JPH1: variants seen among roughly 807,000 people sequenced by gnomAD.
JPH1 encodes the protein junctophilin-1.
A neutral mutation model predicts 53.6 loss-of-function variants in JPH1; 12 were observed. That is an observed-to-expected ratio of 0.22 (90% CI 0.14 to 0.36). JPH1 has a LOEUF of 0.36. Among genes scored for constraint, JPH1 ranks in the 10% least tolerant of loss-of-function variants. The pLI is 1.00. For missense variants in JPH1, 808 were observed against 905.5 expected (o/e 0.89, Z 1.38); for synonymous variants, 375 against 363.8 (o/e 1.03, Z -0.35).
chr8:74,287,543 G>T (rs1387112413), intron 2 of JPH1, among the ~76,000 whole-genome samples: 1 of 151,970 alleles, frequency 6.6e-6, no homozygotes, highest in Non-Finnish European at 1.5e-5. Flanking sequence ...AAAAATCATG[G>T]GCTACTAAAT....
chr8:74,297,921 A>G (rs1005138188), intron 2 of JPH1, among the ~76,000 whole-genome samples: 1 of 152,196 alleles, frequency 6.6e-6, no homozygotes, highest in African/African-American at 2.4e-5. Flanking sequence ...TACATTTATA[A>G]CAACAATTGA....
intron 2 of JPH1, among the ~76,000 whole-genome samples, chr8:74,287,834 T>C (rs1408671135): frequency 6.6e-6 from 1 of 151,484 alleles, no homozygotes; most frequent in Non-Finnish European, 1.5e-5. Flanking sequence ...ACAAAATAAC[T>C]TTTTTTTTGG....
chr8:74,318,709 T>G (rs1420785219), intron 1 of JPH1, among the ~76,000 whole-genome samples: 1 of 152,136 alleles, frequency 6.6e-6, no homozygotes, highest in Non-Finnish European at 1.5e-5. Flanking sequence ...TGATACAGGG[T>G]GTACAGGGAT....
intron 2 of JPH1, among the ~76,000 whole-genome samples, chr8:74,282,010 G>A (rs1369608554): frequency 6.6e-6 from 1 of 152,214 alleles, no homozygotes; most frequent in Non-Finnish European, 1.5e-5. Context: ...ATGTTCCATA[G>A]TTCCCTGTGT....
chr8:74,304,487 G>C (rs553897994), intron 2 of JPH1, among the ~76,000 whole-genome samples: 1 of 152,306 alleles, frequency 6.6e-6, no homozygotes, highest in East Asian at 1.9e-4. Context: ...ATCATCTGAG[G>C]CTCTTCCATT....
intron 2 of JPH1, among the ~76,000 whole-genome samples, chr8:74,264,158 T>C (rs1215118059): frequency 6.6e-6 from 1 of 152,232 alleles, no homozygotes; most frequent in Non-Finnish European, 1.5e-5. Context: ...TTTATACATC[T>C]ACTAACTGAC....
intron 3 of JPH1, among the ~76,000 whole-genome samples, chr8:74,249,386 C>CT (rs1444354588): frequency 6.6e-6 from 1 of 152,174 alleles, no homozygotes; most frequent in Non-Finnish European, 1.5e-5. Flanking sequence ...AGCAGGATCA[C>CT]TTTTTGTGTT....
intron 2 of JPH1, among the ~76,000 whole-genome samples, chr8:74,305,998 G>GT (rs369752719): frequency 1.4e-3 from 217 of 150,958 alleles, no homozygotes; most frequent in African/African-American, 4.7e-3. Context: ...TGGAGAAAGA[G>GT]TTTTTTTTGT....
At chr8:74,287,243 C>A (rs1807192840) in intron 2 of JPH1, among the ~76,000 whole-genome samples, 1 of 152,050 alleles carries the variant, frequency 6.6e-6, no homozygotes. Context: ...ACCAGCCTGG[C>A]CAACATGGTG....
chr8:74,283,469 C>T (rs909454210), intron 2 of JPH1, among the ~76,000 whole-genome samples: 18 of 152,012 alleles, frequency 1.2e-4, no homozygotes, highest in African/African-American at 3.9e-4. Context: ...TACAGAAAGC[C>T]AGAAACTGAG....
intron 2 of JPH1, among the ~76,000 whole-genome samples, chr8:74,284,316 A>G (rs975151278): frequency 6.6e-6 from 1 of 152,220 alleles, no homozygotes; most frequent in African/African-American, 2.4e-5. Context: ...TGTAGGTAGT[A>G]ACTTTTGATG....
intron 1 of JPH1, among the ~76,000 whole-genome samples, chr8:74,318,776 C>G (rs1297692725): frequency 6.6e-6 from 1 of 152,128 alleles, no homozygotes; most frequent in African/African-American, 2.4e-5. Flanking sequence ...TTAGTGAGAA[C>G]AGCAGAAAAC....
rs1808274968 is a variant in JPH1, at chr8:74,320,228, G to T, written c.379+681C>A. ...TCAGCAAAGACTGCTACTCTTTTAA[G>T]ACCAATACTTTAAGAAACGGAATGA... On this transcript the variant is annotated intron_variant, in intron 1 of 5. Transcript: ENST00000342232. This position sits in a 1 kb window ranked among gnomAD's most constrained non-coding sequence, Gnocchi z 4.4. 6.6e-6 allele frequency among the ~76,000 whole-genome samples: 1 copy of T among 152,148 alleles called. No homozygotes were observed. Among genetic ancestry groups the T allele is most frequent in the South Asian group, 2.1e-4 (1 of 4,830 alleles).
chr8:74,306,879 G>A (rs1005233), intron 2 of JPH1, among the ~76,000 whole-genome samples: 9,505 of 152,030 alleles, frequency 0.063, 1,010 homozygotes, highest in African/African-American at 0.22. Context: ...TTAGGGATGT[G>A]AGCCACCACG....
intron 2 of JPH1, among the ~76,000 whole-genome samples, chr8:74,294,498 T>G (rs780656343): frequency 1.3e-5 from 2 of 152,164 alleles, no homozygotes; most frequent in Non-Finnish European, 2.9e-5. Context: ...TAGGCACAAA[T>G]TCTACAACAA....
intron 2 of JPH1, among the ~76,000 whole-genome samples, chr8:74,311,812 G>C (rs1054022042): frequency 6.6e-6 from 1 of 151,806 alleles, no homozygotes; most frequent in African/African-American, 2.4e-5. Flanking sequence ...AGAATGATGA[G>C]TTCCAATTTC....
At chr8:74,255,155 C>T (rs572881595) in intron 3 of JPH1, among the ~76,000 whole-genome samples, 2 of 152,218 alleles carry the variant, frequency 1.3e-5, no homozygotes, top group African/African-American at 4.8e-5. Context: ...TACTATAAGG[C>T]TACAGTAACC....
rs748274307 is a variant in JPH1, at chr8:74,315,357, C to T, written c.643G>A (p.Gly215Ser). The T allele has an allele frequency of 6.2e-7, 1 of 1,613,048 alleles. No individual in the cohort carries two copies. Among genetic ancestry groups the T allele is most frequent in the South Asian group, 1.1e-5 (1 of 91,070 alleles). Residue 215 changes from glycine (G) to serine (S), a missense_variant, in exon 2 of 6, where the codon GGC becomes AGC. By Grantham distance (56) the Gly-to-Ser change is moderately conservative. Around this residue, in one of 2 missense-constraint regions of JPH1, gnomAD observed 756 missense variants for 811.9 expected, o/e 0.93. Coordinates refer to ENST00000342232, the MANE Select transcript of JPH1 (RefSeq NM_020647.4). This position sits in a 1 kb window ranked among gnomAD's most constrained non-coding sequence, Gnocchi z 6.3. ...GKKKGGLFRR[G>S]SLLGSMKLRK... ...AGTTTCATGCTTCCAAGAAGGGAGC[C>T]CCTCCGGAAGAGGCCGCCCTTCTTC...
chr8:74,242,685 C>T (rs2131375476), intron 4 of JPH1, among the ~76,000 whole-genome samples: 1 of 152,318 alleles, frequency 6.6e-6, no homozygotes, highest in South Asian at 2.1e-4. Flanking sequence ...TTATTAGAAT[C>T]TTCGCGTGAA....
Sources: allele counts gnomAD v4.1 joint callset (sites outside exome capture counted in the v4.1 genomes callset), GRCh38; gene constraint gnomAD v4.1.1; regional missense constraint gnomAD v4.1.1; non-coding constraint Gnocchi (gnomAD v3.1); transcripts MANE v1.5; gene names NCBI Gene and HGNC (gene_info 2026-07-23, HGNC 2026-07-21).